Variants in MZB1 observed in about 807,000 individuals in gnomAD.
MZB1 encodes marginal zone B and B1 cell specific protein.
A neutral mutation model predicts 17.2 loss-of-function variants in MZB1; 10 were observed. That is an observed-to-expected ratio of 0.58 (90% CI 0.36 to 0.98). MZB1 has a LOEUF of 0.98. MZB1 is among the 50% of genes least tolerant of loss of function. MZB1 has a pLI of 0.01. For missense variants in MZB1, 246 were observed against 237.5 expected (o/e 1.04, Z -0.23); for synonymous variants, 99 against 98.7 (o/e 1.00, Z -0.02).
In MZB1 at chr5:139,387,506, T is replaced by A; in HGVS notation, c.*259A>T. On this transcript the variant is annotated 3_prime_UTR_variant, in exon 4 of 4. Transcript: ENST00000302125. Reference sequence around the variant, plus strand: ...TTTTTTTTTTTTTTCACAAGGGACATCAGCAGAAACACCAATGTCTGCACT... The same window carrying A: ...TTTTTTTTTTTTTTCACAAGGGACAACAGCAGAAACACCAATGTCTGCACT... 54 of 255,164 alleles carry A rather than the reference T, an allele frequency of 2.1e-4. No homozygotes were observed. Among genetic ancestry groups the A allele is most frequent in the East Asian group, 2.7e-4 (4 of 14,894 alleles). 15.8% of individuals were successfully genotyped at this position (255,164 alleles called of 1,614,324 possible). A position where few individuals can be genotyped will look rare whatever the true frequency, so the allele number is the denominator to read the frequency against.
Position 139,387,939 on chromosome 5 carries a change from G to T in MZB1, c.414-18C>A. ...TGGAGAGCCTAGGGGAGCCCAGCAG[G>T]AGCCTCAGATGCTGCCCAGCCCACA... On this transcript the variant is annotated intron_variant, in intron 3 of 3. Transcript: ENST00000302125. 1 of 1,575,454 alleles carries T rather than the reference G, an allele frequency of 6.3e-7. No homozygotes were observed. Among genetic ancestry groups the T allele is most frequent in the Non-Finnish European group, 8.6e-7 (1 of 1,163,318 alleles).
rs1183710025 is a variant in MZB1 at position 139,389,675 on chromosome 5, C to A, written c.177+5G>T. On this transcript the variant is annotated splice_donor_5th_base_variant and intron_variant, in intron 1 of 3. Coordinates refer to ENST00000302125, the MANE Select transcript of MZB1 (RefSeq NM_016459.4). ...AGGGCAGGGTGACAGTGGTGAAGGACTCACCTGGTAAGCCACAGCTCTGCA... is the reference window on the plus strand; with the variant it reads ...AGGGCAGGGTGACAGTGGTGAAGGAATCACCTGGTAAGCCACAGCTCTGCA... 6.3e-7 allele frequency: 1 copy of A among 1,587,236 alleles called. No homozygotes were observed. The highest frequency in any genetic ancestry group is 1.2e-5 in the South Asian group (1 of 86,840).
chr5:139,389,530 C>A, intron 1 of MZB1, 150 bp downstream of exon 1: 1 of 978,342 alleles, frequency 1.0e-6, no homozygotes, highest in Non-Finnish European at 1.6e-6. Context: ...TAAACTGAGG[C>A]ATGGAATATA....
Position 139,389,846 on chromosome 5 carries a change from G to A in MZB1, c.11C>T (p.Ser4Leu), listed in dbSNP as rs1281446943. 3 of 1,545,890 alleles carry A rather than the reference G, an allele frequency of 1.9e-6. No homozygotes were observed. In the African/African-American group the frequency reaches 4.1e-5, roughly 21 times the overall value. ...CAGCAGCAGCAGCAGCAGTGGCAGT[G>A]ACAGCCTCATGGCCCCAGGAGCCAG... MRLSLPLLLLLLGA... is the reference protein window; with the variant it reads MRLLLPLLLLLLGA... Residue 4 changes from serine (S) to leucine (L), a missense_variant, in exon 1 of 4, where the codon TCA (serine) becomes TTA (leucine). By Grantham distance (145) the Ser-to-Leu change is moderately radical (BLOSUM62 -2). Coordinates refer to ENST00000302125, the MANE Select transcript of MZB1 (RefSeq NM_016459.4).
In MZB1 at chr5:139,387,614, C is replaced by T. The variant is rs1018994328; in HGVS notation, c.*151G>A. 58 of 914,490 alleles carry T rather than the reference C, an allele frequency of 6.3e-5. No homozygotes were observed. The highest frequency in any genetic ancestry group is 1.7e-4 in the Admixed American group (5 of 30,004). The allele number at this position is 914,490 out of a possible 1,614,324, so 56.6% of individuals were successfully genotyped here. A position where few individuals can be genotyped will look rare whatever the true frequency, so the allele number is the denominator to read the frequency against. ...GAGTCCAGAGGGGAAGGCGTTGACT[C>T]CCACCCAGGCCCGAGTGCCCTGAGG... On this transcript the variant is annotated 3_prime_UTR_variant, in exon 4 of 4. Transcript: ENST00000302125.
chr5:139,387,898 T>G lies in MZB1; in HGVS notation c.437A>C (p.Tyr146Ser). Residue 146 changes from tyrosine (Y) to serine (S), a missense_variant, in exon 4 of 4, where the codon TAC becomes TCC. Transcript: ENST00000302125. Reference protein sequence around the residue: ...PTRLSRTCLHYLGEFGEDQIY... With the variant: ...PTRLSRTCLHSLGEFGEDQIY... ...CTGGTCTTCTCCAAACTCCCCCAAGTAGTGCAAACATGTCCTGGAGAGCCT... is the reference window on the plus strand; with the variant it reads ...CTGGTCTTCTCCAAACTCCCCCAAGGAGTGCAAACATGTCCTGGAGAGCCT... 6.3e-7 allele frequency: 1 copy of G among 1,593,890 alleles called. No homozygotes were observed. The highest frequency in any genetic ancestry group is 8.5e-7 in the Non-Finnish European group (1 of 1,171,894).
rs1458889333 is a variant in MZB1, at chr5:139,389,548, CT to C, written c.177+131del. Reference sequence around the variant, plus strand: ...ACTGAGGCATGGAATATATGAAAGGCTGCATCTGTGGCTTGATGCCCAGTGG... The same window carrying C: ...ACTGAGGCATGGAATATATGAAAGGCGCATCTGTGGCTTGATGCCCAGTGG... On this transcript the variant is annotated intron_variant, in intron 1 of 3. Coordinates refer to ENST00000302125, the MANE Select transcript of MZB1 (RefSeq NM_016459.4). 3.7e-6 allele frequency: 4 copies of C among 1,094,804 alleles called. No homozygotes were observed. In the African/African-American group the frequency reaches 6.2e-5, roughly 17 times the overall value. 67.8% of individuals were successfully genotyped at this position (1,094,804 alleles called of 1,614,324 possible). A position where few individuals can be genotyped will look rare whatever the true frequency, so the allele number is the denominator to read the frequency against.
At chr5:139,389,316 C>T (rs924103368) in intron 1 of MZB1, 8 of 479,120 alleles carry the variant, frequency 1.7e-5, no homozygotes, top group Non-Finnish European at 2.5e-5. Context: ...GCCAGACACA[C>T]GCATACTCAC....
chr5:139,387,844 C>T lies in MZB1; in HGVS notation c.491G>A (p.Gly164Glu), dbSNP rs1313237868. Residue 164 changes from glycine (G) to glutamate (E), a missense_variant, in exon 4 of 4, where the codon GGG (glycine) becomes GAG (glutamate). By Grantham distance (98) the Gly-to-Glu change is moderately conservative. Coordinates refer to ENST00000302125, the MANE Select transcript of MZB1 (RefSeq NM_016459.4). The stretch of plus-strand genomic sequence containing the variant: ...CCCACATAGCAATGCCTCCAGAGCC[C>T]CTCGGCCTTGTTGGTGGGCTTCATA... ...QIYEAHQQGR[G>E]ALEALLCGGP... 1.2e-6 allele frequency: 2 copies of T among 1,606,276 alleles called. No homozygotes were observed. The highest frequency in any genetic ancestry group is 4.5e-5 in the East Asian group (2 of 44,824).
rs1418710685 is a variant in MZB1, at chr5:139,388,465, G to T, written c.298C>A (p.Gln100Lys). The T allele has an allele frequency of 6.2e-7, 1 of 1,603,404 alleles. No homozygotes were observed. Among genetic ancestry groups the T allele is most frequent in the East Asian group, 2.3e-5 (1 of 44,410 alleles). ...GGGGCAGGATTGGCAACTCACTCCTGCCAGTTCCGGGAGCAGCTCCGGTCC... is the reference window on the plus strand; with the variant it reads ...GGGGCAGGATTGGCAACTCACTCCTTCCAGTTCCGGGAGCAGCTCCGGTCC... Reference protein sequence around the residue: ...VLDRSCSRNWQDYGVREVDQV... With the variant: ...VLDRSCSRNWKDYGVREVDQV... The change falls in exon 2 of 4, where the codon CAG becomes AAG. Residue 100 changes from glutamine to lysine, a missense_variant. Gln to Lys is a moderately conservative substitution (Grantham distance 53). Coordinates refer to ENST00000302125, the MANE Select transcript of MZB1 (RefSeq NM_016459.4).
At position 139,389,862 on chromosome 5, in the gene MZB1, C is replaced by T; in HGVS notation, c.-6G>A. On this transcript the variant is annotated 5_prime_UTR_variant, in exon 1 of 4. Coordinates refer to ENST00000302125, the MANE Select transcript of MZB1 (RefSeq NM_016459.4). ...AGTGGCAGTGACAGCCTCATGGCCC[C>T]AGGAGCCAGTTCAGCAAGTGTAGTC... 6.5e-7 allele frequency: 1 copy of T among 1,542,176 alleles called. No homozygotes were observed. The highest frequency in any genetic ancestry group is 8.7e-7 in the Non-Finnish European group (1 of 1,146,560).
rs1758581239 is a variant in MZB1 at position 139,389,841 on chromosome 5, G to GCAGTGA, written c.10_15dup (p.Ser4_Leu5dup). 3 of 1,546,606 alleles carry GCAGTGA rather than the reference G, an allele frequency of 1.9e-6. No homozygotes were observed. The highest frequency in any genetic ancestry group is 2.6e-6 in the Non-Finnish European group (3 of 1,146,892). On this transcript the variant is annotated inframe_insertion, in exon 1 of 4. Transcript: ENST00000302125. ...GCTCCCAGCAGCAGCAGCAGCAGTG[G>GCAGTGA]CAGTGACAGCCTCATGGCCCCAGGA...
chr5:139,388,273 C>G, intron 2 of MZB1, 142 bp from the exon 3 acceptor site: 1 of 1,061,506 alleles, frequency 9.4e-7, no homozygotes, highest in Non-Finnish European at 1.3e-6. Flanking sequence ...ACAAGGTGAC[C>G]TTGTCCACTG....
Position 139,388,100 on chromosome 5 carries a change from G to A in MZB1, c.334C>T (p.Arg112Cys), listed in dbSNP as rs373004342. ...YGVREVDQVK[R>C]LTGPGLSEGP... is the part of the protein sequence containing the mutation. Reference sequence around the variant, plus strand: ...TCGCTAAGTCCTGGGCCTGTGAGACGTTTCACTTGGTCCACTTCTCGAACT... The same window carrying A: ...TCGCTAAGTCCTGGGCCTGTGAGACATTTCACTTGGTCCACTTCTCGAACT... The change falls in exon 3 of 4, where the codon CGT becomes TGT. Residue 112 changes from arginine to cysteine, a missense_variant. By Grantham distance (180) the Arg-to-Cys change is radical (BLOSUM62 -3). Coordinates refer to ENST00000302125, the MANE Select transcript of MZB1 (RefSeq NM_016459.4). 20 of 1,551,626 alleles carry A rather than the reference G, an allele frequency of 1.3e-5. No homozygotes were observed. The Admixed American group carries it at 1.4e-4, about 11-fold the overall frequency.
At position 139,388,501 on chromosome 5, in the gene MZB1, T is replaced by C; in HGVS notation, c.262A>G (p.Thr88Ala). 1.2e-6 allele frequency: 2 copies of C among 1,605,934 alleles called. No homozygotes were observed. Among genetic ancestry groups the C allele is most frequent in the Non-Finnish European group, 1.7e-6 (2 of 1,176,344 alleles). Residue 88 changes from threonine to alanine, a missense_variant, in exon 2 of 4, where the codon ACG becomes GCG. Physicochemically the swap from Thr to Ala is moderately conservative, Grantham distance 58. Coordinates refer to ENST00000302125, the MANE Select transcript of MZB1 (RefSeq NM_016459.4). ...GRRELSELVY[T>A]DVLDRSCSRN... ...GAGCAGCTCCGGTCCAGGACATCCG[T>C]GTAGACCAACTCGCTCAGCTCCCGC...
intron 1 of MZB1, 92 bp downstream of exon 1, chr5:139,389,588 T>A (rs1375732182): frequency 2.8e-6 from 4 of 1,435,310 alleles, no homozygotes; most frequent in Non-Finnish European, 3.8e-6. Flanking sequence ...GGATTGGGGA[T>A]CAAAGGCCGG....
At chr5:139,389,345 G>A (rs1431199130) in intron 1 of MZB1, 9 of 548,470 alleles carry the variant, frequency 1.6e-5, no homozygotes, top group Non-Finnish European at 2.4e-5. Context: ...GCTCACACGT[G>A]TGCACTTGCA....
Position 139,388,046 on chromosome 5 carries a change from C to T in MZB1, c.388G>A (p.Val130Ile). The T allele has an allele frequency of 1.3e-6, 2 of 1,555,784 alleles. No individual in the cohort carries two copies. Among genetic ancestry groups the T allele is most frequent in the Non-Finnish European group, 1.7e-6 (2 of 1,149,412 alleles). The change falls in exon 3 of 4, where the codon GTC becomes ATC. Residue 130 changes from valine to isoleucine, a missense_variant. By Grantham distance (29) the Val-to-Ile change is conservative. Coordinates refer to ENST00000302125, the MANE Select transcript of MZB1 (RefSeq NM_016459.4). ...EGPEPSISVM[V>I]TGGPWPTRLS... ...CTGGTAGGCCAGGGGCCCCCTGTGA[C>T]CATCACGCTGATGCTTGGCTCTGGC...
intron 1 of MZB1, 169 bp downstream of exon 1, chr5:139,389,511 G>A (rs1285333411): frequency 1.2e-6 from 1 of 852,518 alleles, no homozygotes; most frequent in African/African-American, 1.7e-5. Flanking sequence ...TGTTAGGCAG[G>A]CAGATGGGTA....
Sources: allele counts gnomAD v4.1 joint callset, GRCh38; gene constraint gnomAD v4.1.1; transcripts MANE v1.5; gene names NCBI Gene and HGNC (gene_info 2026-07-23, HGNC 2026-07-21).